The following ROBO1 variants were observed in gnomAD, a reference collection of about 807,000 sequenced individuals.
ROBO1 encodes roundabout guidance receptor 1, also known as roundabout homolog 1.
A neutral mutation model predicts 195.9 loss-of-function variants in ROBO1; 149 were observed. That is an observed-to-expected ratio of 0.76 (90% confidence interval 0.67 to 0.87). The LOEUF (loss-of-function observed/expected upper bound fraction) is 0.87, where lower values mean the gene tolerates loss of function less well. Ranked by LOEUF, ROBO1 falls within the 40% of genes least tolerant of loss-of-function variation. The pLI is 0.00. For missense variants in ROBO1, 1,933 were observed against 2,068.3 expected, an observed-to-expected ratio of 0.93 and a Z score of 1.27; for synonymous variants, 816 against 733.2, an observed-to-expected ratio of 1.11 and a Z score of -1.82.
rs561293088 is a variant in ROBO1 at position 78,640,422 on chromosome 3, G to A, written c.2883-524C>T. On this transcript the variant is annotated intron_variant, in intron 21 of 30. Transcript: ENST00000464233. ...ATACTTAATGAGTTTGGGGCTCTGTGACATTTTACACAGATCCTCATCAAT... is the reference window on the plus strand; with the variant it reads ...ATACTTAATGAGTTTGGGGCTCTGTAACATTTTACACAGATCCTCATCAAT... 7.2e-5 allele frequency among the ~76,000 whole-genome samples: 11 copies of A among 152,184 alleles called. No individual in the cohort carries two copies. In the South Asian group the frequency reaches 2.3e-3, roughly 32 times the overall value.
intron 2 of ROBO1, among the ~76,000 whole-genome samples, chr3:79,510,058 T>C (rs1305799772): frequency 1.3e-5 from 2 of 152,030 alleles, no homozygotes; most frequent in Admixed American, 1.3e-4. Context: ...CTATTGATGC[T>C]TACAAAGAAT....
chr3:79,703,534 A>G (rs1375329108), intron 1 of ROBO1, among the ~76,000 whole-genome samples: 1 of 151,948 alleles, frequency 6.6e-6, no homozygotes, highest in Non-Finnish European at 1.5e-5. Context: ...CTGCTATTTT[A>G]TCATCTTCAT....
chr3:79,201,157 C>T (rs1433765577), intron 2 of ROBO1, among the ~76,000 whole-genome samples: 2 of 151,884 alleles, frequency 1.3e-5, no homozygotes, highest in Non-Finnish European at 2.9e-5. Flanking sequence ...CTGTAAAAAC[C>T]ATCTAATAGT....
At chr3:79,534,508 G>A (rs1489845726) in intron 2 of ROBO1, among the ~76,000 whole-genome samples, 1 of 152,054 alleles carries the variant, frequency 6.6e-6, no homozygotes, top group Non-Finnish European at 1.5e-5. Flanking sequence ...TATATTGTTA[G>A]ATTCAATTCT....
chr3:79,215,460 C>T (rs903316874), intron 2 of ROBO1, among the ~76,000 whole-genome samples: 2 of 152,028 alleles, frequency 1.3e-5, no homozygotes, highest in African/African-American at 4.8e-5. Flanking sequence ...CTCCCCTACT[C>T]CGACCCAACA....
intron 1 of ROBO1, among the ~76,000 whole-genome samples, chr3:79,744,111 A>C (rs1703769430): frequency 6.6e-6 from 1 of 152,258 alleles, no homozygotes; most frequent in African/African-American, 2.4e-5. Flanking sequence ...ACAGTGCAGT[A>C]AATTTTTTTA....
chr3:79,665,827 C>T (rs1414253479), intron 1 of ROBO1, among the ~76,000 whole-genome samples: 2 of 151,864 alleles, frequency 1.3e-5, no homozygotes, highest in South Asian at 4.1e-4. Flanking sequence ...AGGAAAGGAT[C>T]TTAAACACAA....
chr3:78,673,587 TA>T (rs1459049490), intron 10 of ROBO1, among the ~76,000 whole-genome samples: 1 of 71,286 alleles, frequency 1.4e-5, no homozygotes, highest in African/African-American at 4.2e-5. Context: ...TATATATATA[TA>T]TATATATATA....
At chr3:79,384,960 AAC>A (rs1217228457) in intron 2 of ROBO1, among the ~76,000 whole-genome samples, 2 of 152,002 alleles carry the variant, frequency 1.3e-5, no homozygotes, top group Non-Finnish European at 2.9e-5. Context: ...TGACAGAAAA[AAC>A]TGCTGTCTGA....
At chr3:79,383,026 T>C (rs1285163006) in intron 2 of ROBO1, among the ~76,000 whole-genome samples, 1 of 152,106 alleles carries the variant, frequency 6.6e-6, no homozygotes, top group Admixed American at 6.5e-5. Context: ...CTATGGAAGA[T>C]ATGATTCACA....
intron 2 of ROBO1, among the ~76,000 whole-genome samples, chr3:79,587,623 G>GT (rs1176996627): frequency 2.6e-5 from 4 of 151,240 alleles, no homozygotes; most frequent in East Asian, 1.9e-4. Flanking sequence ...AAGAAATTAT[G>GT]TTTTTTTTAA....
At chr3:79,491,411 G>A (rs1443170311) in intron 2 of ROBO1, among the ~76,000 whole-genome samples, 1 of 152,114 alleles carries the variant, frequency 6.6e-6, no homozygotes, top group African/African-American at 2.4e-5. Context: ...GCTCCAGGGA[G>A]CTTCCCTACA....
intron 3 of ROBO1, among the ~76,000 whole-genome samples, chr3:78,945,187 G>A (rs996229009): frequency 3.9e-5 from 6 of 152,166 alleles, no homozygotes; most frequent in African/African-American, 9.7e-5. Flanking sequence ...CTCCCAGCAC[G>A]CAGCTTGAGA....
intron 5 of ROBO1, among the ~76,000 whole-genome samples, chr3:78,746,480 C>T (rs1164789739): frequency 6.6e-6 from 1 of 152,088 alleles, no homozygotes; most frequent in East Asian, 1.9e-4. Context: ...TTAAGTCATA[C>T]ATAAAAGTGT....
intron 23 of ROBO1, 109 bp from the exon 24 acceptor site, chr3:78,634,151 A>AT (rs1705348104): frequency 3.1e-6 from 2 of 651,784 alleles, no homozygotes. Flanking sequence ...AAATTGGACC[A>AT]TTTATTTGCC....
chr3:78,770,825 G>A (rs905428595), intron 4 of ROBO1, among the ~76,000 whole-genome samples: 2 of 152,124 alleles, frequency 1.3e-5, no homozygotes, highest in African/African-American at 4.8e-5. Flanking sequence ...CACCACTTAT[G>A]AGGCCAAGGC....
intron 3 of ROBO1, 93 bp from the exon 4 acceptor site, chr3:78,939,020 C>T (rs2039976567): frequency 2.7e-6 from 3 of 1,101,116 alleles, no homozygotes; most frequent in Non-Finnish European, 3.9e-6. Context: ...ACTATTTAAA[C>T]ACTGCATAAC....
At chr3:78,602,974 A>G (rs990589285) in intron 29 of ROBO1, among the ~76,000 whole-genome samples, 2 of 152,174 alleles carry the variant, frequency 1.3e-5, no homozygotes, top group African/African-American at 2.4e-5. Flanking sequence ...TCCTTTCCAC[A>G]TGGTCCAACA....
intron 1 of ROBO1, among the ~76,000 whole-genome samples, chr3:79,665,893 A>C (rs919066626): frequency 6.6e-6 from 1 of 151,906 alleles, no homozygotes; most frequent in Admixed American, 6.6e-5. Context: ...TGAAGGAATC[A>C]TCACTGTTGG....
Sources: gnomAD v4.1 joint callset for allele counts (sites outside exome capture counted in the v4.1 genomes callset) on GRCh38, gnomAD v4.1.1 for gene constraint, MANE v1.5 for transcripts, NCBI Gene and HGNC (gene_info 2026-07-23, HGNC 2026-07-21) for gene names.